The following PMM2 variants were observed in gnomAD, a reference collection of about 807,000 sequenced individuals.
PMM2 encodes phosphomannomutase 2, also known as mannose-6-phosphate isomerase.
PMM2 carries 35 observed loss-of-function variants against 33.2 expected under a neutral mutation model. The ratio of observed to expected loss-of-function variants is 1.06; its 90% CI spans 0.81 to 1.40. PMM2 has a LOEUF of 1.40. PMM2 is among the 40% of genes most tolerant of loss of function. The pLI, the probability that PMM2 is intolerant of heterozygous loss-of-function variation, is 0.00. For missense variants in PMM2, 386 were observed against 306.0 expected, an observed-to-expected ratio of 1.26 and a Z score of -1.95; for synonymous variants, 153 against 114.7, an observed-to-expected ratio of 1.33 and a Z score of -2.13.
intron 7 of PMM2, among the ~76,000 whole-genome samples, chr16:8,814,893 A>C (rs2060697770): frequency 6.6e-6 from 1 of 152,178 alleles, no homozygotes; most frequent in Non-Finnish European, 1.5e-5. Context: ...CAGTATTGTT[A>C]ACTATAGGCA....
rs1013771553 is a variant in PMM2 at position 8,801,900 on chromosome 16, G to A, written c.168G>A (p.Leu56=). Reference sequence around the variant, plus strand: ...ACTTTGAGAAAGTGCAGGAGCAACTGGGAAATGATGGTAAATGATGGGTTG... The same window carrying A: ...ACTTTGAGAAAGTGCAGGAGCAACTAGGAAATGATGGTAAATGATGGGTTG... ...GSDFEKVQEQ[L]GNDVVEKYDY... is the part of the protein sequence containing the mutation. Residue 56 remains leucine (L), a synonymous_variant, in exon 2 of 8, where the codon CTG becomes CTA. Coordinates refer to ENST00000268261, the MANE Select transcript of PMM2 (RefSeq NM_000303.3). 1 of 1,596,480 alleles carries A rather than the reference G, an allele frequency of 6.3e-7. No homozygotes were observed. Among genetic ancestry groups the A allele is most frequent in the African/African-American group, 1.3e-5 (1 of 74,472 alleles).
intron 7 of PMM2, among the ~76,000 whole-genome samples, chr16:8,846,012 A>C (rs2060923489): frequency 6.6e-6 from 1 of 151,980 alleles, no homozygotes. Context: ...TGGCCATGCA[A>C]TTCAGGTCTG....
chr16:8,844,001 T>C (rs1301218563), intron 7 of PMM2, among the ~76,000 whole-genome samples: 1 of 152,020 alleles, frequency 6.6e-6, no homozygotes, highest in Non-Finnish European at 1.5e-5. Context: ...GCACAGAGAC[T>C]AGGAAGGGAC....
intron 7 of PMM2, among the ~76,000 whole-genome samples, chr16:8,824,839 C>T (rs1024368179): frequency 6.6e-6 from 1 of 152,124 alleles, no homozygotes; most frequent in African/African-American, 2.4e-5. Context: ...ACTCAGCTTT[C>T]TAAACAACAA....
At chr16:8,816,547 G>A (rs940944327) in intron 7 of PMM2, among the ~76,000 whole-genome samples, 2 of 151,136 alleles carry the variant, frequency 1.3e-5, no homozygotes, top group Non-Finnish European at 3.0e-5. Flanking sequence ...TCCGAGACCA[G>A]CCTGACCAAC....
chr16:8,811,110 T>A lies in PMM2; in HGVS notation c.379T>A (p.Leu127Ile), dbSNP rs1329038534. The change falls in exon 5 of 8, where the codon TTA (leucine) becomes ATA (isoleucine). Residue 127 changes from leucine (L) to isoleucine (I), a missense_variant. By Grantham distance (5) the Leu-to-Ile change is conservative (BLOSUM62 2). Transcript: ENST00000268261. The part of the protein sequence containing the change: ...GTFIEFRNGM[L>I]NVSPIGRSCS... ...TTTCATTGAATTCCGAAATGGGATG[T>A]TAAACGTGTCCCCTATTGGAAGAAG... 6.3e-7 allele frequency: 1 copy of A among 1,575,862 alleles called. No individual in the cohort carries two copies. Among genetic ancestry groups the A allele is most frequent in the Admixed American group, 1.8e-5 (1 of 56,418 alleles).
intron 7 of PMM2, among the ~76,000 whole-genome samples, chr16:8,842,028 G>A (rs897414499): frequency 6.6e-5 from 10 of 150,866 alleles, no homozygotes; most frequent in African/African-American, 2.4e-4. Flanking sequence ...AGACATGAGG[G>A]CTAGGCTAAA....
chr16:8,835,443 G>A, intron 7 of PMM2, among the ~76,000 whole-genome samples: 1 of 151,958 alleles, frequency 6.6e-6, no homozygotes, highest in East Asian at 1.9e-4. Flanking sequence ...TGGGTGTCAG[G>A]GTCATCTAAC....
intron 7 of PMM2, among the ~76,000 whole-genome samples, chr16:8,846,551 A>T (rs2060926730): frequency 6.6e-6 from 1 of 152,078 alleles, no homozygotes; most frequent in South Asian, 2.1e-4. Context: ...GGTGGGGGTG[A>T]TGGGGACACA....
chr16:8,841,262 G>A lies in PMM2; in HGVS notation c.640-6462G>A, dbSNP rs1711807980. Among the ~76,000 whole-genome samples, 4 of 151,270 alleles carry A rather than the reference G, an allele frequency of 2.6e-5. No individual in the cohort carries two copies. In the South Asian group the frequency reaches 8.4e-4, roughly 32 times the overall value. On this transcript the variant is annotated intron_variant, in intron 7 of 7. Coordinates refer to ENST00000268261, the MANE Select transcript of PMM2 (RefSeq NM_000303.3). Reference sequence around the variant, plus strand: ...ACTAGTAAAGGCTGGTCCGTTATCAGACTGTATAGAGGTGGGAAGGCTAAA... The same window carrying A: ...ACTAGTAAAGGCTGGTCCGTTATCAAACTGTATAGAGGTGGGAAGGCTAAA...
intron 7 of PMM2, among the ~76,000 whole-genome samples, chr16:8,843,043 T>G (rs9931333): frequency 0.28 from 42,017 of 151,730 alleles, 5,913 homozygotes; most frequent in South Asian, 0.34. Context: ...AAGCAGATAA[T>G]TTGCTTAAAA....
Position 8,839,353 on chromosome 16 carries a change from G to A in PMM2, c.640-8371G>A, listed in dbSNP as rs866899425. On this transcript the variant is annotated intron_variant, in intron 7 of 7. Coordinates refer to ENST00000268261, the MANE Select transcript of PMM2 (RefSeq NM_000303.3). ...GATGTAAAGTAAAAAGATGAGGAGT[G>A]CTGCAAGGGGTGTCTTGTACCTAGA... Among the ~76,000 whole-genome samples, 6 of 152,092 alleles carry A rather than the reference G, an allele frequency of 3.9e-5. No individual in the cohort carries two copies. The South Asian group carries it at 8.3e-4, about 21-fold the overall frequency.
In PMM2 at chr16:8,848,085, A is replaced by G; in HGVS notation, c.*260A>G. The G allele has an allele frequency of 2.0e-6, 1 of 488,244 alleles. No homozygotes were observed. The highest frequency in any genetic ancestry group is 3.7e-6 in the Non-Finnish European group (1 of 269,444). The allele number at this position is 488,244 out of a possible 1,614,324, so 30.2% of individuals were successfully genotyped here. On this transcript the variant is annotated 3_prime_UTR_variant, in exon 8 of 8. Transcript: ENST00000268261. ...CCACCCACCCCCAGCCCCCTAGTCT[A>G]ATACCCACCCTGATACGTGCAATCA... is the stretch of plus-strand genomic sequence containing the variant.
intron 7 of PMM2, among the ~76,000 whole-genome samples, chr16:8,821,400 C>G (rs2060738588): frequency 6.6e-6 from 1 of 152,204 alleles, no homozygotes; most frequent in South Asian, 2.1e-4. Context: ...GTCCATGGCC[C>G]TGGGTGTTGG....
In PMM2 at chr16:8,812,980, C is replaced by G; in HGVS notation, c.524-11C>G. On this transcript the variant is annotated splice_polypyrimidine_tract_variant and intron_variant, in intron 6 of 7. Transcript: ENST00000268261. Reference sequence around the variant, plus strand: ...CCTTTTGCCTTTGTGTGCCCCGTCCCCACCCGGCAGGAGGCCAGATCAGCT... The same window carrying G: ...CCTTTTGCCTTTGTGTGCCCCGTCCGCACCCGGCAGGAGGCCAGATCAGCT... The G allele has an allele frequency of 6.5e-7, 1 of 1,527,840 alleles. No individual in the cohort carries two copies. The highest frequency in any genetic ancestry group is 1.1e-5 in the South Asian group (1 of 89,262). The allele number at this position is 1,527,840 out of a possible 1,614,324, so 94.6% of individuals were successfully genotyped here. A position where few individuals can be genotyped will look rare whatever the true frequency, so the allele number is the denominator to read the frequency against.
chr16:8,821,646 G>C (rs2060740050), intron 7 of PMM2, among the ~76,000 whole-genome samples: 1 of 152,182 alleles, frequency 6.6e-6, no homozygotes, highest in Non-Finnish European at 1.5e-5. Flanking sequence ...TGAAATGAGA[G>C]GGCTGTGCTC....
intron 7 of PMM2, chr16:8,832,965 C>CCCCGACCACACCACAGGCA: frequency 3.1e-6 from 3 of 963,684 alleles, no homozygotes; most frequent in Non-Finnish European, 3.7e-6. Flanking sequence ...TGACTGGTCT[C>CCCCGACCACACCACAGGCA]CCCAGGGCAG....
chr16:8,827,859 T>TATATAATGTATG (rs1166628650), intron 7 of PMM2, among the ~76,000 whole-genome samples: 1 of 88,022 alleles, frequency 1.1e-5, no homozygotes, highest in African/African-American at 4.1e-5. Context: ...ATATATATGT[T>TATATAATGTATG]ATATATTATA....
At chr16:8,836,939 G>A (rs958367519) in intron 7 of PMM2, among the ~76,000 whole-genome samples, 13 of 152,022 alleles carry the variant, frequency 8.6e-5, no homozygotes, top group African/African-American at 3.1e-4. Context: ...GGGCAGGTGG[G>A]GGAGGGCCAG....
Sources: allele counts gnomAD v4.1 joint callset (sites outside exome capture counted in the v4.1 genomes callset), GRCh38; gene constraint gnomAD v4.1.1; transcripts MANE v1.5; gene names NCBI Gene and HGNC (gene_info 2026-07-23, HGNC 2026-07-21).